The following SLC35A1 variants were observed in gnomAD, a reference collection of about 807,000 sequenced individuals.
SLC35A1 encodes the protein CMP-sialic acid transporter.
Under a neutral mutation model 40.3 loss-of-function variants are expected in SLC35A1, and 21 were observed. The observed-to-expected ratio is 0.52, with a 90% confidence interval of 0.37 to 0.75. The LOEUF (loss-of-function observed/expected upper bound fraction) is 0.75. Among genes scored for constraint, SLC35A1 ranks in the 30% least tolerant of loss-of-function variants. SLC35A1 has a pLI of 0.00. For missense variants in SLC35A1, 297 were observed against 382.1 expected, an observed-to-expected ratio of 0.78 and a Z score of 1.86; for synonymous variants, 146 against 147.3, an observed-to-expected ratio of 0.99 and a Z score of 0.06.
intron 2 of SLC35A1, among the ~76,000 whole-genome samples, chr6:87,500,218 AAC>A (rs1485513748): frequency 6.6e-6 from 1 of 152,190 alleles, no homozygotes; most frequent in African/African-American, 2.4e-5. Flanking sequence ...AGGTAATATC[AAC>A]AGTTTTCCTA....
chr6:87,491,498 A>G (rs1439186756), intron 2 of SLC35A1, among the ~76,000 whole-genome samples: 7 of 152,244 alleles, frequency 4.6e-5, no homozygotes, highest in Non-Finnish European at 7.3e-5. Flanking sequence ...AAATGAAGTA[A>G]TTAAGTATTT....
intron 2 of SLC35A1, among the ~76,000 whole-genome samples, chr6:87,496,907 T>C (rs1769749387): frequency 6.6e-6 from 1 of 152,118 alleles, no homozygotes. Flanking sequence ...ATCTCTTTCA[T>C]AGTAAAACAA....
chr6:87,491,833 A>C (rs1298931220), intron 2 of SLC35A1, among the ~76,000 whole-genome samples: 1 of 152,160 alleles, frequency 6.6e-6, no homozygotes, highest in South Asian at 2.1e-4. Flanking sequence ...TCCTCTTCTT[A>C]TAAGGCACTA....
intron 2 of SLC35A1, among the ~76,000 whole-genome samples, chr6:87,479,390 C>A (rs550450774): frequency 6.6e-6 from 1 of 152,286 alleles, no homozygotes; most frequent in South Asian, 2.1e-4. Flanking sequence ...CAGCACCCGA[C>A]AAGAATAAGT....
intron 2 of SLC35A1, among the ~76,000 whole-genome samples, chr6:87,483,205 TTC>T (rs1424435431): frequency 6.6e-6 from 1 of 151,898 alleles, no homozygotes; most frequent in Non-Finnish European, 1.5e-5. Context: ...CTCTGTCTCT[TTC>T]TCTTTCTCTC....
At position 87,511,662 on chromosome 6, in the gene SLC35A1, C is replaced by CAACA. The variant is rs886061816; in HGVS notation, c.*144_*147dup. ...GATCAGTGCGGTTATGTGGAAACAACAACAAACAAACGAAGCTATCTGAGT... is the reference window on the plus strand; with the variant it reads ...GATCAGTGCGGTTATGTGGAAACAACAACAAACAAACAAACGAAGCTATCTGAGT... On this transcript the variant is annotated 3_prime_UTR_variant, in exon 8 of 8. Transcript: ENST00000369552. 37 of 966,200 alleles carry CAACA rather than the reference C, an allele frequency of 3.8e-5. No individual in the cohort carries two copies. Among genetic ancestry groups the CAACA allele is most frequent in the African/African-American group, 3.7e-4 (23 of 61,968 alleles). The allele number at this position is 966,200 out of a possible 1,614,324, so 59.9% of individuals were successfully genotyped here.
chr6:87,505,050 GAC>G (rs927428689), intron 4 of SLC35A1, among the ~76,000 whole-genome samples: 4 of 152,314 alleles, frequency 2.6e-5, no homozygotes, highest in African/African-American at 9.6e-5. Context: ...GGTAGAGCCT[GAC>G]AGTTTTTATT....
Position 87,511,646 on chromosome 6 carries a change from G to A in SLC35A1, c.*120G>A, listed in dbSNP as rs368477101. ...ATTAACTGTATGGCATGATCAGTGC[G>A]GTTATGTGGAAACAACAACAAACAA... On this transcript the variant is annotated 3_prime_UTR_variant, in exon 8 of 8. Transcript: ENST00000369552. 9 of 1,103,438 alleles carry A rather than the reference G, an allele frequency of 8.2e-6. No individual in the cohort carries two copies. The highest frequency in any genetic ancestry group is 2.5e-5 in the South Asian group (2 of 79,494). The allele number at this position is 1,103,438 out of a possible 1,614,324, so 68.4% of individuals were successfully genotyped here.
chr6:87,480,688 C>T (rs972731031), intron 2 of SLC35A1, among the ~76,000 whole-genome samples: 9 of 152,138 alleles, frequency 5.9e-5, no homozygotes, highest in African/African-American at 1.4e-4. Flanking sequence ...ACCATAGAAA[C>T]GCTCTAAAGT....
intron 2 of SLC35A1, among the ~76,000 whole-genome samples, chr6:87,491,733 G>A (rs1251365704): frequency 5.3e-5 from 8 of 152,164 alleles, no homozygotes; most frequent in Non-Finnish European, 1.5e-5. Context: ...GGCAGATTAG[G>A]TGTCTGGTGA....
rs1324548568 is a variant in SLC35A1 at position 87,501,262 on chromosome 6, T to C, written c.459T>C (p.Ala153=). The part of the protein sequence containing the change: ...LQWVSVFMLC[A]GVTLVQWKPA... ...GGGTTTCAGTTTTTATGCTGTGTGC[T>C]GGAGTTACGCTTGTACAGTGGAAAC... is the stretch of plus-strand genomic sequence containing the variant. The change falls in exon 4 of 8, where the codon GCT becomes GCC. Residue 153 remains alanine, a synonymous_variant. Coordinates refer to ENST00000369552, the MANE Select transcript of SLC35A1 (RefSeq NM_006416.5). The C allele has an allele frequency of 6.2e-7, 1 of 1,614,138 alleles. No individual in the cohort carries two copies. Among genetic ancestry groups the C allele is most frequent in the Non-Finnish European group, 8.5e-7 (1 of 1,180,014 alleles).
In SLC35A1 at chr6:87,485,486, C is replaced by T. The variant is rs2300902; in HGVS notation, c.194+7947C>T. ...AATTAAGAAGAACTTAGATCTTGGC[C>T]AGGTGTGGTGGCTCACACCTGTAAT... On this transcript the variant is annotated intron_variant, in intron 2 of 7. Coordinates refer to ENST00000369552, the MANE Select transcript of SLC35A1 (RefSeq NM_006416.5). Among the ~76,000 whole-genome samples, 54 of 152,132 alleles carry T rather than the reference C, an allele frequency of 3.5e-4. No individual in the cohort carries two copies. In the East Asian group the frequency reaches 7.9e-3, roughly 22 times the overall value.
intron 1 of SLC35A1, among the ~76,000 whole-genome samples, chr6:87,473,556 A>T (rs144802065): frequency 6.8e-4 from 103 of 152,366 alleles, no homozygotes; most frequent in African/African-American, 2.4e-3. Flanking sequence ...AACGAAAGGA[A>T]GATAACAGTC....
intron 1 of SLC35A1, among the ~76,000 whole-genome samples, chr6:87,476,838 C>T (rs1425314029): frequency 6.6e-6 from 1 of 152,064 alleles, no homozygotes; most frequent in African/African-American, 2.4e-5. Flanking sequence ...CCAGCCTGGC[C>T]AACATGGGGA....
At chr6:87,503,138 T>A (rs992009241) in intron 4 of SLC35A1, among the ~76,000 whole-genome samples, 4 of 152,210 alleles carry the variant, frequency 2.6e-5, no homozygotes, top group African/African-American at 7.2e-5. Flanking sequence ...TGGCTGTACC[T>A]TTAGAATTCT....
Position 87,511,621 on chromosome 6 carries a change from A to G in SLC35A1, c.*95A>G, listed in dbSNP as rs899961703. On this transcript the variant is annotated 3_prime_UTR_variant, in exon 8 of 8. Transcript: ENST00000369552. ...CAGAAGGTAGCATAAACAAATAAAA[A>G]TTAACTGTATGGCATGATCAGTGCG... 1.3e-5 allele frequency: 17 copies of G among 1,342,076 alleles called. No homozygotes were observed. The highest frequency in any genetic ancestry group is 1.8e-4 in the Middle Eastern group (1 of 5,554). The allele number at this position is 1,342,076 out of a possible 1,614,324, so 83.1% of individuals were successfully genotyped here.
In SLC35A1 at chr6:87,501,437, T is replaced by C. The variant is rs948983276; in HGVS notation, c.507+127T>C. On this transcript the variant is annotated intron_variant, in intron 4 of 7. Transcript: ENST00000369552. ...TTGATTTAAAATAACTTTTGCCTTA[T>C]AGATAGGCCTTTTTTCTTTAGCATA... The C allele has an allele frequency of 1.5e-5, 14 of 931,008 alleles. No homozygotes were observed. In the South Asian group the frequency reaches 2.0e-4, roughly 13 times the overall value. The allele number at this position is 931,008 out of a possible 1,614,324, so 57.7% of individuals were successfully genotyped here. A position where few individuals can be genotyped will look rare whatever the true frequency, so the allele number is the denominator to read the frequency against.
At chr6:87,509,004 T>C (rs1308583248) in intron 6 of SLC35A1, 37 bp from the exon 7 acceptor site, 1 of 1,610,740 alleles carries the variant, frequency 6.2e-7, no homozygotes, top group African/African-American at 1.3e-5. Context: ...GTTTCATTTA[T>C]TTGAGTGATA....
At position 87,482,957 on chromosome 6, in the gene SLC35A1, G is replaced by T. The variant is rs1769286337; in HGVS notation, c.194+5418G>T. Among the ~76,000 whole-genome samples the T allele has an allele frequency of 3.3e-5, 5 of 152,298 alleles. No homozygotes were observed. The East Asian group carries it at 9.7e-4, about 29-fold the overall frequency. On this transcript the variant is annotated intron_variant, in intron 2 of 7. Coordinates refer to ENST00000369552, the MANE Select transcript of SLC35A1 (RefSeq NM_006416.5). ...TTGAATGCATTTGGGTCATCTGCGG[G>T]TTACTGGGTTAAGGATTTTTGATAG...
Sources: gnomAD v4.1 joint callset for allele counts (sites outside exome capture counted in the v4.1 genomes callset) on GRCh38, gnomAD v4.1.1 for gene constraint, MANE v1.5 for transcripts, NCBI Gene and HGNC (gene_info 2026-07-23, HGNC 2026-07-21) for gene names.